Variants in NUMBL observed in about 807,000 individuals in gnomAD.
The protein encoded by NUMBL is NUMB like endocytic adaptor protein.
Under a neutral mutation model 48.9 loss-of-function variants are expected in NUMBL, and 20 were observed. The ratio of observed to expected loss-of-function variants is 0.41; its 90% confidence interval spans 0.29 to 0.59. The LOEUF is 0.59. NUMBL is among the 20% of genes least tolerant of loss of function. The pLI, the probability that NUMBL is intolerant of heterozygous loss-of-function variation, is 0.31. For synonymous variants in NUMBL, 340 were observed against 348.7 expected, an observed-to-expected ratio of 0.98 and a Z score of 0.28; for missense variants, 660 against 846.2, an observed-to-expected ratio of 0.78 and a Z score of 2.73.
In NUMBL at chr19:40,682,808, G is replaced by A. The variant is rs370864503; in HGVS notation, c.325-6C>T. The A allele has an allele frequency of 2.4e-5, 38 of 1,614,020 alleles. No individual in the cohort carries two copies. The African/African-American group carries it at 4.1e-4, about 18-fold the overall frequency. Reference sequence around the variant, plus strand: ...TTCACGGACTTTCGGCCCATCTGGAGGGAGGCAAGGGGACAAAGGAGCCGG... The same window carrying A: ...TTCACGGACTTTCGGCCCATCTGGAAGGAGGCAAGGGGACAAAGGAGCCGG... On this transcript the variant is annotated splice_region_variant and splice_polypyrimidine_tract_variant and intron_variant, in intron 4 of 9. Transcript: ENST00000252891. This position sits in a 1 kb window ranked among gnomAD's most constrained non-coding sequence, Gnocchi z 4.0.
At chr19:40,669,029 A>G (rs2081831984) in intron 9 of NUMBL, among the ~76,000 whole-genome samples, 1 of 151,830 alleles carries the variant, frequency 6.6e-6, no homozygotes, top group Non-Finnish European at 1.5e-5. Context: ...TGGTTCTGAA[A>G]CGATCTCTGG....
intron 7 of NUMBL, 79 bp downstream of exon 7, chr19:40,677,153 C>T (rs1436249303): frequency 4.0e-5 from 58 of 1,446,684 alleles, no homozygotes; most frequent in Non-Finnish European, 5.1e-5. Context: ...AGTCTCTGCA[C>T]CTCTGCAGCT....
chr19:40,669,877 C>T, intron 9 of NUMBL, 21 bp downstream of exon 9: 1 of 1,610,224 alleles, frequency 6.2e-7, no homozygotes, highest in South Asian at 1.1e-5. Context: ...GGTGTCTGCC[C>T]AGCAGAAAGC....
Position 40,666,878 on chromosome 19 carries a change from C to G in NUMBL, c.*590G>C, listed in dbSNP as rs2081811650. ...TTCTCCTCCTCCTCCCTCCCCGCCT[C>G]CTGGGCCCCCAACTTGGCCCTAGCC... On this transcript the variant is annotated 3_prime_UTR_variant, in exon 10 of 10. Coordinates refer to ENST00000252891, the MANE Select transcript of NUMBL (RefSeq NM_004756.5). 6.5e-6 allele frequency: 1 copy of G among 153,676 alleles called. No homozygotes were observed. The highest frequency in any genetic ancestry group is 1.5e-5 in the Non-Finnish European group (1 of 68,730). 9.5% of individuals were successfully genotyped at this position (153,676 alleles called of 1,614,324 possible).
At chr19:40,678,005 C>T (rs58429803) in intron 6 of NUMBL, among the ~76,000 whole-genome samples, 18,311 of 152,108 alleles carry the variant, frequency 0.12, 1,199 homozygotes, top group Middle Eastern at 0.18. Flanking sequence ...ACACCAAAGG[C>T]TTGTGCATTG....
rs1462151171 is a variant in NUMBL at position 40,667,008 on chromosome 19, C to T, written c.*460G>A. On this transcript the variant is annotated 3_prime_UTR_variant, in exon 10 of 10. Coordinates refer to ENST00000252891, the MANE Select transcript of NUMBL (RefSeq NM_004756.5). The surrounding 1 kb of genome is among the most constrained non-coding windows in gnomAD (Gnocchi z 6.1). ...CGCAGCGTGTGGGCAGAGGGCAGCCCTTAGCTTGTGCTGTGCATGGGGGGA... is the reference window on the plus strand; with the variant it reads ...CGCAGCGTGTGGGCAGAGGGCAGCCTTTAGCTTGTGCTGTGCATGGGGGGA... The T allele has an allele frequency of 4.9e-6, 1 of 202,222 alleles. No individual in the cohort carries two copies. The allele number at this position is 202,222 out of a possible 1,614,324, so 12.5% of individuals were successfully genotyped here.
chr19:40,675,142 C>CAG (rs2081868183), intron 7 of NUMBL, among the ~76,000 whole-genome samples: 1 of 29,798 alleles, frequency 3.4e-5, no homozygotes, highest in Non-Finnish European at 5.9e-5. Context: ...GACTCTGTCT[C>CAG]AAAAAAAAAA....
At chr19:40,679,602 C>T (rs796994837) in intron 6 of NUMBL, among the ~76,000 whole-genome samples, 4 of 151,740 alleles carry the variant, frequency 2.6e-5, no homozygotes, top group Non-Finnish European at 4.4e-5. Flanking sequence ...TGCTTGAACC[C>T]GGGAGGCAGA....
chr19:40,678,882 G>A (rs147062778), intron 6 of NUMBL, among the ~76,000 whole-genome samples: 77 of 152,318 alleles, frequency 5.1e-4, no homozygotes, highest in African/African-American at 1.8e-3. Context: ...CTTGAGGCCA[G>A]GAGTTCGAGA....
rs1297848901 is a variant in NUMBL, at chr19:40,682,680, A to C, written c.399+48T>G. 6.3e-7 allele frequency: 1 copy of C among 1,582,066 alleles called. No homozygotes were observed. Among genetic ancestry groups the C allele is most frequent in the Admixed American group, 1.7e-5 (1 of 59,200 alleles). Reference sequence around the variant, plus strand: ...AGGTGTCCTCCGCCCTGATTCCAGCAGGGTGAGCAGACAGGCCCCCTGGCG... The same window carrying C: ...AGGTGTCCTCCGCCCTGATTCCAGCCGGGTGAGCAGACAGGCCCCCTGGCG... On this transcript the variant is annotated intron_variant, in intron 5 of 9. Transcript: ENST00000252891. The surrounding 1 kb of genome is among the most constrained non-coding windows in gnomAD (Gnocchi z 4.0).
In NUMBL at chr19:40,682,866, C is replaced by T. The variant is rs760461453; in HGVS notation, c.324+28G>A. On this transcript the variant is annotated intron_variant, in intron 4 of 9. Coordinates refer to ENST00000252891, the MANE Select transcript of NUMBL (RefSeq NM_004756.5). The surrounding 1 kb of genome is among the most constrained non-coding windows in gnomAD (Gnocchi z 4.0). ...TGCCTCTCCCTGTCTGACCTTGCCC[C>T]CTCCCTCATGGCAGCCCCCTCACTC... 7 of 1,614,080 alleles carry T rather than the reference C, an allele frequency of 4.3e-6. No homozygotes were observed. In the South Asian group the frequency reaches 6.6e-5, roughly 15 times the overall value.
rs564237583 is a variant in NUMBL at position 40,668,679 on chromosome 19, C to T, written c.1160-541G>A. 1.4e-4 allele frequency among the ~76,000 whole-genome samples: 22 copies of T among 152,222 alleles called. No individual in the cohort carries two copies. In the South Asian group the frequency reaches 3.3e-3, roughly 23 times the overall value. On this transcript the variant is annotated intron_variant, in intron 9 of 9. Transcript: ENST00000252891. ...TTCAACATGTTGCCCAGGCTGGACT[C>T]GAACTCCTACCTCAAGTAATCCCCC...
Position 40,667,223 on chromosome 19 carries a change from CCAGCCTAAGTCCGG to C in NUMBL, c.*231_*244del. 3 of 539,532 alleles carry C rather than the reference CCAGCCTAAGTCCGG, an allele frequency of 5.6e-6. No individual in the cohort carries two copies. The South Asian group carries it at 6.4e-5, about 11-fold the overall frequency. 33.4% of individuals were successfully genotyped at this position (539,532 alleles called of 1,614,324 possible). On this transcript the variant is annotated 3_prime_UTR_variant, in exon 10 of 10. Transcript: ENST00000252891. This position sits in a 1 kb window ranked among gnomAD's most constrained non-coding sequence, Gnocchi z 6.1. ...TCTGGGGTTGGGGAAGGGGGCATTG[CCAGCCTAAGTCCGG>C]CAGTGAAATGGTTCCCTTAGCCAGG...
chr19:40,686,938 G>A lies in NUMBL; in HGVS notation c.82C>T (p.Pro28Ser), dbSNP rs2081937949. The change falls in exon 2 of 10, where the codon CCC (proline) becomes TCC (serine). Residue 28 changes from proline (P) to serine (S), a missense_variant. By Grantham distance (74) the Pro-to-Ser change is moderately conservative (BLOSUM62 -1). This residue lies in a region of NUMBL where 86 missense variants were observed against 85.9 expected (regional missense o/e 1.00). Transcript: ENST00000252891. ...GGCTCCGTCCTGCAGGTTTCTGGGG[G>A]CCCCGGGGCCCCACAGGGGGCTGGG... ...LPPAPCGAPG[P>S]PETCRTEPDG... 3 of 1,545,592 alleles carry A rather than the reference G, an allele frequency of 1.9e-6. No homozygotes were observed. Among genetic ancestry groups the A allele is most frequent in the Admixed American group, 2.0e-5 (1 of 50,112 alleles).
chr19:40,675,605 A>ACACACACT (rs1313908501), intron 7 of NUMBL, among the ~76,000 whole-genome samples: 1 of 150,926 alleles, frequency 6.6e-6, no homozygotes, highest in Non-Finnish European at 1.5e-5. Context: ...ACACACACAC[A>ACACACACT]CACACACACA....
Position 40,677,425 on chromosome 19 carries a change from T to A in NUMBL, c.541-4A>T, listed in dbSNP as rs1279679625. On this transcript the variant is annotated splice_region_variant and splice_polypyrimidine_tract_variant and intron_variant, in intron 6 of 9. Coordinates refer to ENST00000252891, the MANE Select transcript of NUMBL (RefSeq NM_004756.5). ...CAGCGTGGCTCAGCCTCTCGCCCTA[T>A]GGGGAGAGGATGGGCGGGGGGGTTA... 6 of 1,606,012 alleles carry A rather than the reference T, an allele frequency of 3.7e-6. No individual in the cohort carries two copies. The African/African-American group carries it at 6.7e-5, about 18-fold the overall frequency.
In NUMBL at chr19:40,669,885, A is replaced by G. The variant is rs2081837110; in HGVS notation, c.1159+13T>C. The G allele has an allele frequency of 6.2e-7, 1 of 1,611,968 alleles. No homozygotes were observed. Among genetic ancestry groups the G allele is most frequent in the African/African-American group, 1.3e-5 (1 of 74,898 alleles). On this transcript the variant is annotated intron_variant, in intron 9 of 9. Transcript: ENST00000252891. ...CATGCAGGGTGTCTGCCCAGCAGAA[A>G]GCCTGGCTTTACCTGTTGTGGCAGG...
intron 6 of NUMBL, among the ~76,000 whole-genome samples, chr19:40,677,838 A>C (rs1017805933): frequency 1.3e-5 from 2 of 152,046 alleles, no homozygotes; most frequent in Non-Finnish European, 2.9e-5. Context: ...ACAGAGTGAG[A>C]TTCTGTCTAA....
At chr19:40,678,634 CA>C (rs1169965370) in intron 6 of NUMBL, among the ~76,000 whole-genome samples, 1 of 151,874 alleles carries the variant, frequency 6.6e-6, no homozygotes, top group Non-Finnish European at 1.5e-5. Flanking sequence ...CTGCGGCAAA[CA>C]AATGTTTGTC....
Sources: gnomAD v4.1 joint callset for allele counts (sites outside exome capture counted in the v4.1 genomes callset) on GRCh38, gnomAD v4.1.1 for gene constraint, gnomAD v4.1.1 regional missense constraint, Gnocchi (gnomAD v3.1) non-coding constraint, MANE v1.5 for transcripts, NCBI Gene and HGNC (gene_info 2026-07-23, HGNC 2026-07-21) for gene names.